CWC27: variants seen among roughly 807,000 people sequenced by gnomAD.
CWC27 encodes spliceosome-associated protein CWC27 homolog.
A neutral mutation model predicts 63.6 loss-of-function variants in CWC27; 47 were observed. The observed-to-expected ratio is 0.74, with a 90% confidence interval of 0.58 to 0.94. The LOEUF is 0.94. CWC27 is among the 40% of genes least tolerant of loss of function. The pLI is 0.00. For missense variants in CWC27, 495 were observed against 554.3 expected, an observed-to-expected ratio of 0.89 and a Z score of 1.07; for synonymous variants, 175 against 179.8, an observed-to-expected ratio of 0.97 and a Z score of 0.22.
chr5:64,883,831 T>G (rs1747002804), intron 10 of CWC27, among the ~76,000 whole-genome samples: 2 of 152,200 alleles, frequency 1.3e-5, no homozygotes, highest in Admixed American at 6.5e-5. Flanking sequence ...CAGAGAAATT[T>G]GAGCATTTTT....
intron 11 of CWC27, among the ~76,000 whole-genome samples, chr5:64,944,801 G>C (rs952826860): frequency 6.6e-6 from 1 of 152,116 alleles, no homozygotes; most frequent in African/African-American, 2.4e-5. Flanking sequence ...AGTGACCTCT[G>C]AAAGTCTATT....
intron 1 of CWC27, among the ~76,000 whole-genome samples, chr5:64,772,903 C>G (rs6866962): frequency 2.0e-5 from 3 of 151,346 alleles, no homozygotes; most frequent in African/African-American, 7.3e-5. Context: ...TGCCGTTGCA[C>G]TCCAGCCTGC....
chr5:64,992,604 T>A (rs1295466598), intron 13 of CWC27, among the ~76,000 whole-genome samples: 1 of 151,992 alleles, frequency 6.6e-6, no homozygotes, highest in Non-Finnish European at 1.5e-5. Context: ...CTATCTCGGT[T>A]CACTGCAAGC....
intron 11 of CWC27, among the ~76,000 whole-genome samples, chr5:64,939,484 T>C (rs1227353093): frequency 6.6e-6 from 1 of 152,174 alleles, no homozygotes; most frequent in African/African-American, 2.4e-5. Flanking sequence ...TTCCTTCTTC[T>C]GGAAGCTTCA....
At chr5:64,959,966 C>A (rs954618675) in intron 11 of CWC27, among the ~76,000 whole-genome samples, 4 of 152,116 alleles carry the variant, frequency 2.6e-5, no homozygotes, top group Non-Finnish European at 4.4e-5. Context: ...TTTGAAGGTT[C>A]AAATGAGGGG....
intron 11 of CWC27, among the ~76,000 whole-genome samples, chr5:64,967,004 T>G (rs1037584738): frequency 4.6e-5 from 7 of 152,140 alleles, no homozygotes; most frequent in African/African-American, 1.7e-4. Flanking sequence ...ATCTTCTTTT[T>G]TTTTACATTC....
chr5:64,777,525 A>G (rs918970326), intron 2 of CWC27, among the ~76,000 whole-genome samples: 5 of 152,140 alleles, frequency 3.3e-5, no homozygotes, highest in African/African-American at 1.2e-4. Flanking sequence ...AAATATAATT[A>G]GTCAAAATAT....
rs746190915 is a variant in CWC27 at position 64,788,982 on chromosome 5, G to A, written c.631G>A (p.Ala211Thr). ...NFSLLSFGEEAEEEEEEVNRV... is the reference protein window; with the variant it reads ...NFSLLSFGEETEEEEEEVNRV... ...TAGTTTACTTTCATTTGGAGAGGAA[G>A]CTGAGGAAGAAGAGGAGGAAGTAAA... Residue 211 changes from alanine to threonine, a missense_variant, in exon 7 of 14, where the codon GCT becomes ACT. Ala to Thr is a moderately conservative substitution (Grantham distance 58). Transcript: ENST00000381070. The A allele has an allele frequency of 6.2e-7, 1 of 1,600,886 alleles. No homozygotes were observed. The highest frequency in any genetic ancestry group is 1.1e-5 in the South Asian group (1 of 88,014).
intron 10 of CWC27, among the ~76,000 whole-genome samples, chr5:64,862,066 C>T (rs1561438379): frequency 2.0e-5 from 3 of 152,274 alleles, no homozygotes; most frequent in African/African-American, 7.2e-5. Flanking sequence ...TAGTATATTG[C>T]TTCATGTTGT....
chr5:64,951,703 T>C (rs974265309), intron 11 of CWC27, among the ~76,000 whole-genome samples: 3 of 151,984 alleles, frequency 2.0e-5, no homozygotes, highest in Non-Finnish European at 4.4e-5. Flanking sequence ...TATAGATTTC[T>C]CTGTTCTGGA....
chr5:64,941,834 T>C (rs1192968711), intron 11 of CWC27, among the ~76,000 whole-genome samples: 1 of 152,072 alleles, frequency 6.6e-6, no homozygotes, highest in East Asian at 1.9e-4. Flanking sequence ...CATTACTTGC[T>C]CCAATTTGGA....
chr5:64,785,522 A>G lies in CWC27; in HGVS notation c.438A>G (p.Glu146=), dbSNP rs546256335. Residue 146 remains glutamate, a synonymous_variant, in exon 5 of 14, where the codon GAA becomes GAG. Transcript: ENST00000381070. ...DTVYNMLRLS[E]VDIDDDERPH... ...TATATAACATGTTGCGACTGTCAGA[A>G]GTAGACATTGATGATGACGAAAGAC... The G allele has an allele frequency of 2.6e-6, 4 of 1,566,306 alleles. No homozygotes were observed. The highest frequency in any genetic ancestry group is 3.4e-6 in the Non-Finnish European group (4 of 1,162,196).
Position 64,795,878 on chromosome 5 carries a change from CCTT to C in CWC27, c.670-4366_670-4364del, listed in dbSNP as rs544310696. On this transcript the variant is annotated intron_variant, in intron 7 of 13. Transcript: ENST00000381070. ...TTTATATAGTATGCCTAACAACAGG[CCTT>C]CTTTGTAGTTCTAGAAGGTAGAAGT... Among the ~76,000 whole-genome samples, 207 of 151,938 alleles carry C rather than the reference CCTT, an allele frequency of 1.4e-3. 9 individuals carry two copies. The highest frequency in any genetic ancestry group is 2.2e-3 in the Admixed American group (34 of 15,248).
rs146118003 is a variant in CWC27 at position 65,010,652 on chromosome 5, G to A, written c.1257-7507G>A. 4.3e-3 allele frequency among the ~76,000 whole-genome samples: 657 copies of A among 152,276 alleles called. 6 individuals carry two copies. The highest frequency in any genetic ancestry group is 0.015 in the African/African-American group (627 of 41,558). ...TCTTTTAACCCACATGGGGAAGGCT[G>A]TCCGAGGACAATATATGTACTTTCT... On this transcript the variant is annotated intron_variant, in intron 13 of 13. Transcript: ENST00000381070.
Position 64,804,235 on chromosome 5 carries a change from G to T in CWC27, c.787G>T (p.Glu263Ter). ...TCATTTTCCATTTCTACAGGATGGA[G>T]AAGATGAAAGTGCAGAGCATGATGA... is the stretch of plus-strand genomic sequence containing the variant. ...GDAPDLVDDG[E>*]DESAEHDEYI... The change falls in exon 10 of 14, where the codon GAA becomes TAA. Residue 263 changes from glutamate (E) to a stop codon, truncating the protein, a stop_gained. Transcript: ENST00000381070. LOFTEE classifies it high-confidence loss of function. 6.2e-7 allele frequency: 1 copy of T among 1,603,130 alleles called. No individual in the cohort carries two copies. The highest frequency in any genetic ancestry group is 8.5e-7 in the Non-Finnish European group (1 of 1,174,344).
intron 7 of CWC27, among the ~76,000 whole-genome samples, chr5:64,799,857 A>G (rs938821909): frequency 9.2e-5 from 14 of 151,866 alleles, no homozygotes; most frequent in African/African-American, 3.1e-4. Context: ...GATTCTGTGC[A>G]GTATAGGTGG....
intron 13 of CWC27, among the ~76,000 whole-genome samples, chr5:65,004,899 TATATATAC>T (rs1348126419): frequency 3.1e-5 from 2 of 64,700 alleles, no homozygotes; most frequent in African/African-American, 5.5e-5. Flanking sequence ...TATATATATA[TATATATAC>T]ATACACACAC....
intron 10 of CWC27, among the ~76,000 whole-genome samples, chr5:64,828,380 T>G (rs1454285758): frequency 6.6e-6 from 1 of 152,138 alleles, no homozygotes; most frequent in Non-Finnish European, 1.5e-5. Context: ...TTAGTCCGTT[T>G]GGACTCCTAT....
At chr5:64,870,702 T>G (rs1469262789) in intron 10 of CWC27, among the ~76,000 whole-genome samples, 2 of 152,104 alleles carry the variant, frequency 1.3e-5, no homozygotes. Flanking sequence ...AAATAAATTT[T>G]TCTTTATAAC....
Sources: gnomAD v4.1 joint callset for allele counts (sites outside exome capture counted in the v4.1 genomes callset) on GRCh38, gnomAD v4.1.1 for gene constraint, MANE v1.5 for transcripts, NCBI Gene and HGNC (gene_info 2026-07-23, HGNC 2026-07-21) for gene names.